The following AOPEP variants were observed in gnomAD, a reference collection of about 807,000 sequenced individuals.
AOPEP encodes the protein aminopeptidase O.
In AOPEP, 77 loss-of-function variants were observed where a neutral mutation model predicts 98.1. The observed-to-expected ratio is 0.78, with a 90% CI of 0.65 to 0.95. AOPEP has a LOEUF of 0.95. Among genes scored for constraint, AOPEP ranks in the 40% least tolerant of loss-of-function variants. The pLI, the probability that AOPEP is intolerant of heterozygous loss-of-function variation, is 0.00. For missense variants in AOPEP, 1,024 were observed against 1,024.7 expected (o/e 1.00, Z 0.01); for synonymous variants, 346 against 365.3 (o/e 0.95, Z 0.60).
intron 2 of AOPEP, among the ~76,000 whole-genome samples, chr9:94,765,444 A>ATAATAG (rs1249313843): frequency 7.0e-6 from 1 of 142,904 alleles, no homozygotes; most frequent in African/African-American, 2.5e-5. Flanking sequence ...TACAAAAATA[A>ATAATAG]TAATAATAAT....
At chr9:94,809,788 G>A (rs1850071392) in intron 5 of AOPEP, among the ~76,000 whole-genome samples, 1 of 152,216 alleles carries the variant, frequency 6.6e-6, no homozygotes, top group African/African-American at 2.4e-5. Flanking sequence ...AATAGAAAAT[G>A]TAAAAGGATG....
chr9:95,015,805 C>T (rs1294551117), intron 13 of AOPEP, among the ~76,000 whole-genome samples: 1 of 152,108 alleles, frequency 6.6e-6, no homozygotes, highest in Admixed American at 6.5e-5. Context: ...ATCGAGGATA[C>T]CATAATTTGT....
chr9:94,729,533 A>AG (rs1830021102), intron 1 of AOPEP, among the ~76,000 whole-genome samples: 3 of 151,468 alleles, frequency 2.0e-5, no homozygotes, highest in Admixed American at 2.0e-4. Flanking sequence ...TGGTGGCGCC[A>AG]CTGCACTCCA....
the AOPEP span, among the ~76,000 whole-genome samples, chr9:95,093,663 G>A: frequency 3.9e-5 from 6 of 152,128 alleles, no homozygotes; most frequent in East Asian, 1.9e-4. Flanking sequence ...GTTGATTACC[G>A]TCTCCACCCT....
At chr9:94,779,260 A>C (rs992370434) in intron 3 of AOPEP, among the ~76,000 whole-genome samples, 1 of 152,208 alleles carries the variant, frequency 6.6e-6, no homozygotes, top group Non-Finnish European at 1.5e-5. Context: ...CTGCAATTTC[A>C]GATAGGCACT....
chr9:95,125,304 TCTCAA>T, the AOPEP span: 47 of 761,396 alleles, frequency 6.2e-5, no homozygotes, highest in East Asian at 5.0e-4. Context: ...TTCAGCAGTA[TCTCAA>T]CTCATCAGAT....
intron 2 of AOPEP, among the ~76,000 whole-genome samples, chr9:94,768,205 A>G (rs894169393): frequency 6.6e-6 from 1 of 152,160 alleles, no homozygotes; most frequent in African/African-American, 2.4e-5. Flanking sequence ...TCAGGGCCTC[A>G]TCAAGCCACA....
At chr9:95,014,473 A>G (rs2062821882) in intron 13 of AOPEP, among the ~76,000 whole-genome samples, 1 of 148,028 alleles carries the variant, frequency 6.8e-6, no homozygotes. Flanking sequence ...CCCTGTTTCA[A>G]AAAAAAAAAA....
At chr9:94,989,450 T>C (rs967934642) in intron 11 of AOPEP, among the ~76,000 whole-genome samples, 5 of 152,014 alleles carry the variant, frequency 3.3e-5, no homozygotes, top group Non-Finnish European at 7.4e-5. Context: ...TTGGCCAGGA[T>C]GGTCTCGATC....
At chr9:94,754,772 A>G (rs1836631449) in intron 1 of AOPEP, among the ~76,000 whole-genome samples, 1 of 152,254 alleles carries the variant, frequency 6.6e-6, no homozygotes, top group Admixed American at 6.5e-5. Flanking sequence ...CTATAAAATG[A>G]GCCAGGATAA....
At chr9:94,993,703 G>A (rs373473523) in intron 11 of AOPEP, among the ~76,000 whole-genome samples, 16 of 152,180 alleles carry the variant, frequency 1.1e-4, no homozygotes, top group South Asian at 6.2e-4. Context: ...ATGGTTTTCC[G>A]TAAGAGTGTT....
chr9:94,747,334 A>G (rs1834738411), intron 1 of AOPEP, among the ~76,000 whole-genome samples: 1 of 152,096 alleles, frequency 6.6e-6, no homozygotes, highest in Non-Finnish European at 1.5e-5. Flanking sequence ...ATCTTGCATT[A>G]TTTACTCAGT....
intron 7 of AOPEP, chr9:94,932,889 C>G: frequency 1.0e-6 from 1 of 985,376 alleles, no homozygotes; most frequent in Non-Finnish European, 1.2e-6. Flanking sequence ...ATTTTCCTAG[C>G]CTTCTCAGCC....
In AOPEP at chr9:94,742,866, T is replaced by C. The variant is rs533168010; in HGVS notation, c.-136+16115T>C. ...CTATTTTTATTATATTTTATGAAAGTATAAGGGGAAAAATAACCGCAGATT... is the reference window on the plus strand; with the variant it reads ...CTATTTTTATTATATTTTATGAAAGCATAAGGGGAAAAATAACCGCAGATT... On this transcript the variant is annotated intron_variant, in intron 1 of 16. Coordinates refer to ENST00000375315, the MANE Select transcript of AOPEP (RefSeq NM_001193329.3). 9.9e-5 allele frequency among the ~76,000 whole-genome samples: 15 copies of C among 152,238 alleles called. No individual in the cohort carries two copies. In the South Asian group the frequency reaches 2.5e-3, roughly 25 times the overall value.
chr9:94,742,224 C>T (rs1232509570), intron 1 of AOPEP, among the ~76,000 whole-genome samples: 2 of 151,986 alleles, frequency 1.3e-5, no homozygotes, highest in East Asian at 1.9e-4. Context: ...TTGATTGGGT[C>T]GAGTTACAAA....
intron 5 of AOPEP, among the ~76,000 whole-genome samples, chr9:94,823,812 T>A (rs1320574064): frequency 6.6e-6 from 1 of 152,188 alleles, no homozygotes; most frequent in Non-Finnish European, 1.5e-5. Flanking sequence ...AGTTATCGGG[T>A]GCTCATTGCT....
At chr9:94,885,837 C>T (rs1471950146) in intron 5 of AOPEP, among the ~76,000 whole-genome samples, 2 of 152,032 alleles carry the variant, frequency 1.3e-5, no homozygotes, top group African/African-American at 2.4e-5. Flanking sequence ...CAAAAGCTTT[C>T]TGTATGAAAA....
At chr9:94,987,690 T>C (rs2060609639) in intron 11 of AOPEP, among the ~76,000 whole-genome samples, 1 of 152,234 alleles carries the variant, frequency 6.6e-6, no homozygotes, top group Non-Finnish European at 1.5e-5. Context: ...ACTGATAAAA[T>C]ATACTGGGTG....
chr9:94,857,418 A>C (rs1362030230), intron 5 of AOPEP, among the ~76,000 whole-genome samples: 2 of 152,210 alleles, frequency 1.3e-5, no homozygotes, highest in Non-Finnish European at 2.9e-5. Flanking sequence ...CAACGACTTA[A>C]TATTCCTTTC....
Sources: allele counts gnomAD v4.1 joint callset (sites outside exome capture counted in the v4.1 genomes callset), GRCh38; gene constraint gnomAD v4.1.1; transcripts MANE v1.5; gene names NCBI Gene and HGNC (gene_info 2026-07-23, HGNC 2026-07-21).